Variants in GIN1 observed in about 807,000 individuals in gnomAD.
GIN1 encodes the protein gypsy retrotransposon integrase 1.
A neutral mutation model predicts 51.4 loss-of-function variants in GIN1; 41 were observed. The ratio of observed to expected loss-of-function variants is 0.80; its 90% CI spans 0.62 to 1.04. The LOEUF (loss-of-function observed/expected upper bound fraction) is 1.04. GIN1 is among the 50% of genes least tolerant of loss of function. The probability of loss-of-function intolerance (pLI) is 0.00; values close to 1 mark genes in which losing one functional copy is unlikely to be tolerated. For missense variants in GIN1, 610 were observed against 612.4 expected (o/e 1.00, Z 0.04); for synonymous variants, 222 against 206.5 (o/e 1.07, Z -0.64).
intron 4 of GIN1, among the ~76,000 whole-genome samples, chr5:103,099,490 A>G (rs782521326): frequency 2.0e-5 from 3 of 152,194 alleles, no homozygotes; most frequent in Non-Finnish European, 4.4e-5. Context: ...ATTCAAAATT[A>G]GAAAGAAATC....
intron 1 of GIN1, among the ~76,000 whole-genome samples, chr5:103,119,656 G>A (rs762705204): frequency 3.9e-5 from 6 of 152,160 alleles, no homozygotes; most frequent in Non-Finnish European, 7.3e-5. Context: ...TTAAATGACT[G>A]ATCAAAGTAA....
In GIN1 at chr5:103,110,216, T is replaced by A. The variant is rs782447209; in HGVS notation, c.-7-1502A>T. Among the ~76,000 whole-genome samples the A allele has an allele frequency of 1.3e-4, 20 of 151,168 alleles. 1 individual carries two copies. Among genetic ancestry groups the A allele is most frequent in the Non-Finnish European group, 2.5e-4 (17 of 67,692 alleles). On this transcript the variant is annotated intron_variant, in intron 1 of 7. Coordinates refer to ENST00000399004, the MANE Select transcript of GIN1 (RefSeq NM_017676.2). ...AATAAGACACAAAAAAAAAACACTA[T>A]CCTTAAAAGAAAAAAAAATTAACAA...
intron 4 of GIN1, among the ~76,000 whole-genome samples, chr5:103,098,959 A>G (rs1787487689): frequency 6.6e-6 from 1 of 152,216 alleles, no homozygotes; most frequent in African/African-American, 2.4e-5. Flanking sequence ...AAACCCATTA[A>G]ATATAAAATA....
chr5:103,112,026 G>A (rs575870551), intron 1 of GIN1, among the ~76,000 whole-genome samples: 2 of 150,976 alleles, frequency 1.3e-5, no homozygotes, highest in South Asian at 2.1e-4. Flanking sequence ...AAAGTAGATC[G>A]AAATAGAGAA....
At chr5:103,090,164 C>G (rs146065770) in intron 7 of GIN1, among the ~76,000 whole-genome samples, 63 of 152,294 alleles carry the variant, frequency 4.1e-4, no homozygotes, top group African/African-American at 1.5e-3. Flanking sequence ...TGGCATGTGC[C>G]TGTAATCCCA....
chr5:103,103,132 A>G (rs192751477), intron 4 of GIN1, among the ~76,000 whole-genome samples: 90 of 152,292 alleles, frequency 5.9e-4, no homozygotes, highest in Non-Finnish European at 1.0e-3. Context: ...ATAAGACCAA[A>G]CACAATCTTT....
At chr5:103,090,347 A>C (rs1161238664) in intron 7 of GIN1, among the ~76,000 whole-genome samples, 3 of 152,228 alleles carry the variant, frequency 2.0e-5, no homozygotes, top group African/African-American at 7.2e-5. Context: ...TAGCAGCAAG[A>C]GGGAAGAAAA....
intron 3 of GIN1, among the ~76,000 whole-genome samples, chr5:103,105,158 G>A (rs1554196169): frequency 6.6e-6 from 1 of 151,830 alleles, no homozygotes; most frequent in Non-Finnish European, 1.5e-5. Context: ...TGATAGGGAG[G>A]GATGAGAAAC....
At chr5:103,092,108 C>G (rs1311248108) in intron 7 of GIN1, among the ~76,000 whole-genome samples, 2 of 152,046 alleles carry the variant, frequency 1.3e-5, no homozygotes, top group African/African-American at 2.4e-5. Context: ...AGCTCAGTCT[C>G]CCGGGCTCAA....
chr5:103,098,222 C>T (rs998142612), intron 4 of GIN1, among the ~76,000 whole-genome samples: 3 of 152,078 alleles, frequency 2.0e-5, no homozygotes, highest in Non-Finnish European at 2.9e-5. Flanking sequence ...TATATGAACA[C>T]ATACATAAAA....
intron 6 of GIN1, 38 bp from the exon 7 acceptor site, chr5:103,096,864 G>C (rs782133161): frequency 1.5e-6 from 2 of 1,311,448 alleles, no homozygotes; most frequent in Non-Finnish European, 2.2e-6. Flanking sequence ...AGAGATGAAA[G>C]AGCTATAATA....
chr5:103,101,411 T>A (rs1787571228), intron 4 of GIN1, among the ~76,000 whole-genome samples: 1 of 152,224 alleles, frequency 6.6e-6, no homozygotes, highest in Admixed American at 6.5e-5. Flanking sequence ...TTTAATATGT[T>A]TGGACTGCAG....
At chr5:103,088,793 TA>T (rs574085464) in intron 7 of GIN1, among the ~76,000 whole-genome samples, 1,607 of 150,278 alleles carry the variant, frequency 0.011, 27 homozygotes, top group African/African-American at 0.038. Flanking sequence ...AACCCTGTCT[TA>T]AAAAAAAAAT....
rs146356845 is a variant in GIN1, at chr5:103,094,179, G to A, written c.1294+2362C>T. Among the ~76,000 whole-genome samples, 1,166 of 152,180 alleles carry A rather than the reference G, an allele frequency of 7.7e-3. 7 individuals carry two copies. The highest frequency in any genetic ancestry group is 0.012 in the Non-Finnish European group (788 of 67,966). On this transcript the variant is annotated intron_variant, in intron 7 of 7. Coordinates refer to ENST00000399004, the MANE Select transcript of GIN1 (RefSeq NM_017676.2). ...ACTCTTTCAAATCAACTTGTGAGGT[G>A]ATTTTCAAGAAAATCATGGAAAAGA...
chr5:103,114,170 A>C (rs958796384), intron 1 of GIN1, among the ~76,000 whole-genome samples: 4 of 152,196 alleles, frequency 2.6e-5, no homozygotes, highest in Non-Finnish European at 4.4e-5. Context: ...AACCACTCCA[A>C]CCTGGAATAA....
chr5:103,114,673 A>T (rs1480340338), intron 1 of GIN1, among the ~76,000 whole-genome samples: 2 of 152,198 alleles, frequency 1.3e-5, no homozygotes, highest in Non-Finnish European at 2.9e-5. Context: ...TCTCAGGGAG[A>T]ATTGTGCACA....
At chr5:103,115,232 C>A (rs780789838) in intron 1 of GIN1, among the ~76,000 whole-genome samples, 2 of 152,108 alleles carry the variant, frequency 1.3e-5, no homozygotes, top group Non-Finnish European at 2.9e-5. Flanking sequence ...TTTTGACAGT[C>A]ATGTTCATAG....
At position 103,086,602 on chromosome 5, in the gene GIN1, T is replaced by C. The variant is rs539828302; in HGVS notation, c.*1296A>G. 1 of 152,338 alleles carries C rather than the reference T, an allele frequency of 6.6e-6. No homozygotes were observed. The highest frequency in any genetic ancestry group is 1.5e-5 in the Non-Finnish European group (1 of 68,016). 9.4% of individuals were successfully genotyped at this position (152,338 alleles called of 1,614,324 possible). The stretch of plus-strand genomic sequence containing the variant: ...CCATTTACCAAATCCTATACATTCT[T>C]CAAGGTCAAGCTTAAATGATCCTTC... On this transcript the variant is annotated 3_prime_UTR_variant, in exon 8 of 8. Coordinates refer to ENST00000399004, the MANE Select transcript of GIN1 (RefSeq NM_017676.2).
In GIN1 at chr5:103,088,082, A is replaced by C. The variant is rs782630997; in HGVS notation, c.1385T>G (p.Ile462Ser). The C allele has an allele frequency of 6.2e-7, 1 of 1,610,472 alleles. No individual in the cohort carries two copies. Among genetic ancestry groups the C allele is most frequent in the Admixed American group, 1.7e-5 (1 of 59,984 alleles). The part of the protein sequence containing the change: ...EIPIGAYQAN[I>S]LVEDATIGIV... ...ACCAATAGTTGCATCTTCCACCAGA[A>C]TATTTGCTTGATATGCTCCAATCGG... The change falls in exon 8 of 8, where the codon ATT (isoleucine) becomes AGT (serine). Residue 462 changes from isoleucine to serine, a missense_variant. Transcript: ENST00000399004.
Sources: allele counts gnomAD v4.1 joint callset (sites outside exome capture counted in the v4.1 genomes callset), GRCh38; gene constraint gnomAD v4.1.1; transcripts MANE v1.5; gene names NCBI Gene and HGNC (gene_info 2026-07-23, HGNC 2026-07-21).